PRC1: variants seen among roughly 807,000 people sequenced by gnomAD.
PRC1 encodes the protein protein regulator of cytokinesis 1.
A neutral mutation model predicts 91.2 loss-of-function variants in PRC1; 54 were observed. That is an observed-to-expected ratio of 0.59 (90% CI 0.48 to 0.74). The LOEUF is 0.74. PRC1 is among the 30% of genes least tolerant of loss of function. The pLI is 0.00. For synonymous variants in PRC1, 275 were observed against 263.6 expected (o/e 1.04, Z -0.42); for missense variants, 727 against 746.2 (o/e 0.97, Z 0.30).
chr15:90,975,234 T>C (rs2038570502), intron 9 of PRC1, among the ~76,000 whole-genome samples: 1 of 152,124 alleles, frequency 6.6e-6, no homozygotes, highest in South Asian at 2.1e-4. Context: ...GCCTCCCGAG[T>C]AGCTGGGATT....
Position 90,966,398 on chromosome 15 carries a change from C to T in PRC1, c.*733G>A, listed in dbSNP as rs112770009. ...AGACTCCCAATGTGGCTGGCAACTG[C>T]GGGGGTAGAAGAACTCAGGCAAAGT... On this transcript the variant is annotated 3_prime_UTR_variant, in exon 15 of 15. Coordinates refer to ENST00000394249, the MANE Select transcript of PRC1 (RefSeq NM_003981.4). The T allele has an allele frequency of 8.8e-5, 30 of 340,276 alleles. No homozygotes were observed. Among genetic ancestry groups the T allele is most frequent in the African/African-American group, 5.2e-4 (24 of 46,310 alleles). 21.1% of individuals were successfully genotyped at this position (340,276 alleles called of 1,614,324 possible).
chr15:90,981,316 T>C (rs11854833), intron 5 of PRC1, 183 bp downstream of exon 5: 42,798 of 721,556 alleles, frequency 0.059, 2,449 homozygotes, highest in African/African-American at 0.24. Context: ...CTTGGAGCCA[T>C]ATAAAGGTTT....
chr15:90,994,167 T>C (rs2040155102), intron 1 of PRC1, among the ~76,000 whole-genome samples: 1 of 151,970 alleles, frequency 6.6e-6, no homozygotes, highest in Non-Finnish European at 1.5e-5. Context: ...CCCGGGCGTC[T>C]GAGCCTGCGG....
chr15:90,978,742 A>G (rs1479351967), intron 8 of PRC1, among the ~76,000 whole-genome samples: 1 of 134,520 alleles, frequency 7.4e-6, no homozygotes, highest in Non-Finnish European at 1.5e-5. Context: ...AACAAGAGCG[A>G]AACTCCACCT....
chr15:90,986,156 A>AC (rs1278345388), intron 1 of PRC1: 5 of 152,212 alleles, frequency 3.3e-5, no homozygotes, highest in African/African-American at 9.6e-5. Flanking sequence ...CTAAAGCTGA[A>AC]CCCAGCAGTT....
intron 1 of PRC1, among the ~76,000 whole-genome samples, chr15:90,988,974 G>A (rs953365917): frequency 3.3e-5 from 5 of 152,050 alleles, no homozygotes; most frequent in Non-Finnish European, 5.9e-5. Flanking sequence ...TCGTTTTTCT[G>A]AGTAAAAAAA....
At chr15:90,976,853 A>T in intron 8 of PRC1, 82 bp from the exon 9 acceptor site, 1 of 1,212,974 alleles carries the variant, frequency 8.2e-7, no homozygotes, top group Non-Finnish European at 1.2e-6. Context: ...TGTTCTCGCC[A>T]GGCGTGGTGA....
Position 90,974,235 on chromosome 15 carries a change from G to A in PRC1, c.1362C>T (p.Asn454=). ...GCATCTCTGTCTCTGTCTGTTTTTT[G>A]TTCTTCAGTTGCTGTGTGAAAGTCA... is the stretch of plus-strand genomic sequence containing the variant. The part of the protein sequence containing the change: ...ERAKQERQLK[N]KKQTETEMLY... The change falls in exon 11 of 15, where the codon AAC becomes AAT. Residue 454 remains asparagine, a synonymous_variant. Transcript: ENST00000394249. This position sits in a 1 kb window ranked among gnomAD's most constrained non-coding sequence, Gnocchi z 4.6. 1.9e-6 allele frequency: 3 copies of A among 1,613,930 alleles called. No individual in the cohort carries two copies. The highest frequency in any genetic ancestry group is 1.7e-6 in the Non-Finnish European group (2 of 1,179,822).
chr15:90,973,164 C>T (rs2151458824), intron 11 of PRC1: 1 of 152,450 alleles, frequency 6.6e-6, no homozygotes, highest in Non-Finnish European at 1.5e-5. Flanking sequence ...AAGACATAAA[C>T]TCCATTTTGA....
At position 90,967,034 on chromosome 15, in the gene PRC1, A is replaced by C. The variant is rs112421496; in HGVS notation, c.*97T>G. On this transcript the variant is annotated 3_prime_UTR_variant, in exon 15 of 15. Transcript: ENST00000394249. ...GGTCATGGAACCTGGCCAAGGTTTC[A>C]AGCACGCCTAAGCTGAAGAAAAACT... 215 of 1,095,228 alleles carry C rather than the reference A, an allele frequency of 2.0e-4. 1 individual carries two copies. The African/African-American group carries it at 3.0e-3, about 15-fold the overall frequency. The allele number at this position is 1,095,228 out of a possible 1,614,324, so 67.8% of individuals were successfully genotyped here. A position where few individuals can be genotyped will look rare whatever the true frequency, so the allele number is the denominator to read the frequency against.
At chr15:90,980,603 T>G in intron 6 of PRC1, 1 of 627,334 alleles carries the variant, frequency 1.6e-6, no homozygotes, top group Non-Finnish European at 2.5e-6. Context: ...ACTGCAACCC[T>G]CCACCTCCCA....
chr15:90,969,352 C>T, intron 13 of PRC1, 95 bp downstream of exon 13: 1 of 1,443,848 alleles, frequency 6.9e-7, no homozygotes, highest in Non-Finnish European at 9.5e-7. Context: ...AGGTAGCTGC[C>T]CTAGCTAATA....
intron 11 of PRC1, among the ~76,000 whole-genome samples, chr15:90,973,453 C>G (rs1443357265): frequency 6.6e-6 from 1 of 152,252 alleles, no homozygotes; most frequent in East Asian, 1.9e-4. Flanking sequence ...TTTCCCCGCA[C>G]TGAGACAGCC....
chr15:90,993,339 G>T (rs945245755), intron 1 of PRC1, among the ~76,000 whole-genome samples: 1 of 150,846 alleles, frequency 6.6e-6, no homozygotes, highest in Non-Finnish European at 1.5e-5. Flanking sequence ...CTCCTGAAAA[G>T]CTGGGGGTAC....
Position 90,984,273 on chromosome 15 carries a change from G to A in PRC1, c.145-133C>T. The A allele has an allele frequency of 3.2e-6, 4 of 1,261,570 alleles. No homozygotes were observed. In the South Asian group the frequency reaches 5.7e-5, roughly 18 times the overall value. The allele number at this position is 1,261,570 out of a possible 1,614,324, so 78.1% of individuals were successfully genotyped here. A position where few individuals can be genotyped will look rare whatever the true frequency, so the allele number is the denominator to read the frequency against. On this transcript the variant is annotated intron_variant, in intron 2 of 14. Transcript: ENST00000394249. This position sits in a 1 kb window ranked among gnomAD's most constrained non-coding sequence, Gnocchi z 5.1. ...AGATGGAGTCTCGCTCTGTTGCCCA[G>A]GCTGGAGTGCAATGGCGTGCTTTCG...
At chr15:90,978,200 G>T (rs1038563186) in intron 8 of PRC1, among the ~76,000 whole-genome samples, 9 of 152,148 alleles carry the variant, frequency 5.9e-5, no homozygotes, top group African/African-American at 2.2e-4. Context: ...CAGAAGAAAA[G>T]GAATCAATAC....
At chr15:90,969,281 C>T (rs549447008) in intron 13 of PRC1, among the ~76,000 whole-genome samples, 161 bp from the exon 14 acceptor site, 1 of 152,070 alleles carries the variant, frequency 6.6e-6, no homozygotes, top group South Asian at 2.1e-4. Context: ...CCTACACAAC[C>T]CCCCCTTAAA....
chr15:90,972,385 A>G (rs1311503335), intron 11 of PRC1, among the ~76,000 whole-genome samples: 3 of 152,008 alleles, frequency 2.0e-5, no homozygotes, highest in African/African-American at 7.2e-5. Context: ...ACTGTCTAAA[A>G]ATAATAAATT....
In PRC1 at chr15:90,984,614, C is replaced by A. The variant is rs989376755; in HGVS notation, c.144+79G>T. Reference sequence around the variant, plus strand: ...TATCCTAATGCCGATGATCACATGTCCCTTCTGTATGCTATCTCGGGTGAG... The same window carrying A: ...TATCCTAATGCCGATGATCACATGTACCTTCTGTATGCTATCTCGGGTGAG... On this transcript the variant is annotated intron_variant, in intron 2 of 14. Coordinates refer to ENST00000394249, the MANE Select transcript of PRC1 (RefSeq NM_003981.4). This position sits in a 1 kb window ranked among gnomAD's most constrained non-coding sequence, Gnocchi z 5.1. 6.4e-6 allele frequency: 10 copies of A among 1,562,714 alleles called. No individual in the cohort carries two copies. Among genetic ancestry groups the A allele is most frequent in the Non-Finnish European group, 8.7e-6 (10 of 1,146,850 alleles).
Sources: allele counts gnomAD v4.1 joint callset (sites outside exome capture counted in the v4.1 genomes callset), GRCh38; gene constraint gnomAD v4.1.1; non-coding constraint Gnocchi (gnomAD v3.1); transcripts MANE v1.5; gene names NCBI Gene and HGNC (gene_info 2026-07-23, HGNC 2026-07-21).